The following ADGRL1 variants were observed in gnomAD, a reference collection of about 807,000 sequenced individuals.
ADGRL1 encodes the protein adhesion G protein-coupled receptor L1, also known as CIRL-1.
In ADGRL1, 31 loss-of-function variants were observed where a neutral mutation model predicts 148.9. The ratio of observed to expected loss-of-function variants is 0.21; its 90% confidence interval spans 0.16 to 0.28. The LOEUF (loss-of-function observed/expected upper bound fraction) is 0.28. Ranked by LOEUF, ADGRL1 falls within the 10% of genes least tolerant of loss-of-function variation. The probability of loss-of-function intolerance (pLI) is 1.00; values close to 1 mark genes in which losing one functional copy is unlikely to be tolerated. For missense variants in ADGRL1, 1,521 were observed against 2,058.8 expected, an observed-to-expected ratio of 0.74 and a Z score of 5.05; for synonymous variants, 937 against 900.3, an observed-to-expected ratio of 1.04 and a Z score of -0.73.
At chr19:14,200,568 T>C (rs1972534769) in intron 1 of ADGRL1, among the ~76,000 whole-genome samples, 1 of 152,214 alleles carries the variant, frequency 6.6e-6, no homozygotes, top group South Asian at 2.1e-4. Flanking sequence ...GGATTTACCA[T>C]CGGGCTTTCT....
At chr19:14,187,795 C>A (rs909385883) in intron 1 of ADGRL1, among the ~76,000 whole-genome samples, 1 of 152,114 alleles carries the variant, frequency 6.6e-6, no homozygotes, top group Non-Finnish European at 1.5e-5. Context: ...TCAACTTCCT[C>A]ATTTCTCCCC....
intron 4 of ADGRL1, among the ~76,000 whole-genome samples, chr19:14,166,562 CAGAG>C (rs370519604): frequency 1.0e-3 from 154 of 148,134 alleles, no homozygotes; most frequent in South Asian, 1.7e-3. Context: ...AGGGGAGAGA[CAGAG>C]AGAGAGAGAG....
chr19:14,204,713 T>TGAGAGAGAGAGAGAGAGAGAGAGAGA (rs74181774), intron 1 of ADGRL1, among the ~76,000 whole-genome samples: 1 of 142,890 alleles, frequency 7.0e-6, no homozygotes, highest in African/African-American at 2.6e-5. Flanking sequence ...ACAGAGAGAG[T>TGAGAGAGAGAGAGAGAGAGAGAGAGA]GAGAGAGAGA....
intron 3 of ADGRL1, among the ~76,000 whole-genome samples, chr19:14,172,067 G>C (rs1044674916): frequency 2.6e-5 from 4 of 152,186 alleles, no homozygotes; most frequent in Non-Finnish European, 5.9e-5. Flanking sequence ...GAGAAAAATG[G>C]GGGGCAGGAT....
chr19:14,157,725 A>AC lies in ADGRL1; in HGVS notation c.2535+156dup, dbSNP rs1245756837. 6.6e-6 allele frequency among the ~76,000 whole-genome samples: 1 copy of AC among 152,222 alleles called. No homozygotes were observed. Among genetic ancestry groups the AC allele is most frequent in the African/African-American group, 2.4e-5 (1 of 41,454 alleles). ...GACGGTGGGATCATGGCCATAGAGG[A>AC]CCAGACGCATGGCCTCATGCCCCAG... On this transcript the variant is annotated intron_variant, in intron 13 of 22. Transcript: ENST00000361434. The surrounding 1 kb of genome is among the most constrained non-coding windows in gnomAD (Gnocchi z 7.5).
intron 22 of ADGRL1, among the ~76,000 whole-genome samples, 177 bp from the exon 23 acceptor site, chr19:14,151,792 A>G (rs1252882134): frequency 2.0e-5 from 3 of 152,086 alleles, no homozygotes; most frequent in Non-Finnish European, 4.4e-5. Flanking sequence ...CTGGCACTAG[A>G]CACACCAGCC....
At chr19:14,158,145 A>G (rs1306959699) in intron 12 of ADGRL1, 93 bp from the exon 13 acceptor site, 7 of 1,394,172 alleles carry the variant, frequency 5.0e-6, no homozygotes, top group Non-Finnish European at 7.0e-6. Context: ...GATGGTACCA[A>G]GTATCAAAGA....
At chr19:14,190,880 G>A (rs1207782251) in intron 1 of ADGRL1, among the ~76,000 whole-genome samples, 1 of 152,152 alleles carries the variant, frequency 6.6e-6, no homozygotes, top group Admixed American at 6.5e-5. Context: ...CTGAGGTCAG[G>A]AGTTCAAGAC....
intron 2 of ADGRL1, among the ~76,000 whole-genome samples, 189 bp downstream of exon 2, chr19:14,183,344 G>A (rs1971352235): frequency 6.6e-6 from 1 of 152,098 alleles, no homozygotes; most frequent in Non-Finnish European, 1.5e-5. Context: ...GATGGTCCAG[G>A]GGCCTCTTGG....
chr19:14,200,137 G>T (rs1044511140), intron 1 of ADGRL1, among the ~76,000 whole-genome samples: 1 of 152,244 alleles, frequency 6.6e-6, no homozygotes, highest in African/African-American at 2.4e-5. Flanking sequence ...CAGGTGTTCA[G>T]TTCAGGAGAG....
chr19:14,154,916 C>T (rs1460110041), intron 18 of ADGRL1, among the ~76,000 whole-genome samples: 17 of 152,192 alleles, frequency 1.1e-4, no homozygotes, highest in Admixed American at 1.0e-3. Flanking sequence ...CGTGTCCGGA[C>T]TGTATGTTTT....
Position 14,183,532 on chromosome 19 carries a change from C to T in ADGRL1, c.70+1G>A. 1 of 1,571,754 alleles carries T rather than the reference C, an allele frequency of 6.4e-7. No homozygotes were observed. The highest frequency in any genetic ancestry group is 8.6e-7 in the Non-Finnish European group (1 of 1,158,030). ...CCCTCCCCGGCCCCAGCAGCACCTA[C>T]CTTGGGTGGCCGAGGTGACCAGGAC... On this transcript the variant is annotated splice_donor_variant, in intron 2 of 22. Transcript: ENST00000361434. LOFTEE classifies it high-confidence loss of function.
chr19:14,188,138 G>T (rs914500332), intron 1 of ADGRL1, among the ~76,000 whole-genome samples: 10 of 152,248 alleles, frequency 6.6e-5, no homozygotes, highest in East Asian at 1.9e-4. Flanking sequence ...GAAGCCACTC[G>T]ATGCCAAATT....
At chr19:14,179,138 C>T (rs540078614) in intron 2 of ADGRL1, among the ~76,000 whole-genome samples, 61 of 151,742 alleles carry the variant, frequency 4.0e-4, no homozygotes, top group Middle Eastern at 3.4e-3. Context: ...GAGCCCAGAT[C>T]GTGCCACTGC....
chr19:14,156,564 TGTG>T, intron 16 of ADGRL1, 91 bp downstream of exon 16: 5 of 519,104 alleles, frequency 9.6e-6, no homozygotes, highest in Non-Finnish European at 1.5e-5. Context: ...TGTGTGTGTG[TGTG>T]GGGGGGGTGG....
chr19:14,172,601 G>A (rs756167972), intron 3 of ADGRL1, among the ~76,000 whole-genome samples: 5 of 151,962 alleles, frequency 3.3e-5, no homozygotes, highest in Non-Finnish European at 5.9e-5. Flanking sequence ...TTAGCCAGGC[G>A]TGGTGGGGCG....
At chr19:14,164,857 C>A (rs538286124) in intron 4 of ADGRL1, among the ~76,000 whole-genome samples, 1 of 152,160 alleles carries the variant, frequency 6.6e-6, no homozygotes, top group Non-Finnish European at 1.5e-5. Context: ...TCCCAGAGTG[C>A]GCCCCTCCAT....
intron 4 of ADGRL1, 59 bp from the exon 5 acceptor site, chr19:14,163,465 GGAGAGA>G (rs71170599): frequency 0.11 from 79,768 of 699,316 alleles, 2,211 homozygotes; most frequent in Admixed American, 0.16. Context: ...GCGAGAGGGA[GGAGAGA>G]GAGAGAGAGA....
At chr19:14,176,852 A>G (rs1970859708) in intron 3 of ADGRL1, among the ~76,000 whole-genome samples, 1 of 150,292 alleles carries the variant, frequency 6.7e-6, no homozygotes, top group African/African-American at 2.4e-5. Context: ...AAAAAAAAAG[A>G]GTCTGGGATG....
Sources: allele counts gnomAD v4.1 joint callset (sites outside exome capture counted in the v4.1 genomes callset), GRCh38; gene constraint gnomAD v4.1.1; non-coding constraint Gnocchi (gnomAD v3.1); transcripts MANE v1.5; gene names NCBI Gene and HGNC (gene_info 2026-07-23, HGNC 2026-07-21).